The following CHN2 variants were observed in gnomAD, a reference collection of about 807,000 sequenced individuals.
CHN2 encodes beta-chimaerin.
CHN2 carries 35 observed loss-of-function variants against 56.3 expected under a neutral mutation model. The ratio of observed to expected loss-of-function variants is 0.62; its 90% CI spans 0.47 to 0.82. The LOEUF (loss-of-function observed/expected upper bound fraction) is 0.82. Among genes scored for constraint, CHN2 ranks in the 40% least tolerant of loss-of-function variants. The pLI, the probability that CHN2 is intolerant of heterozygous loss-of-function variation, is 0.00. For synonymous variants in CHN2, 210 were observed against 212.8 expected (o/e 0.99, Z 0.12); for missense variants, 491 against 580.5 (o/e 0.85, Z 1.58).
chr7:29,251,002 A>C (rs1184652703), intron 1 of CHN2, among the ~76,000 whole-genome samples: 1 of 152,198 alleles, frequency 6.6e-6, no homozygotes, highest in Non-Finnish European at 1.5e-5. Context: ...GAGCCACTGC[A>C]CCCAGCTTGC....
At chr7:29,426,517 T>C (rs1804878800) in intron 6 of CHN2, among the ~76,000 whole-genome samples, 1 of 152,214 alleles carries the variant, frequency 6.6e-6, no homozygotes, top group African/African-American at 2.4e-5. Flanking sequence ...TCCATGACCT[T>C]TAACCCTAGC....
intron 1 of CHN2, among the ~76,000 whole-genome samples, chr7:29,241,021 G>T (rs1256426953): frequency 1.3e-5 from 2 of 152,042 alleles, no homozygotes; most frequent in Non-Finnish European, 2.9e-5. Context: ...GCACAGCTGG[G>T]ATTACAGATG....
At chr7:29,402,354 C>T (rs1441474416) in intron 6 of CHN2, among the ~76,000 whole-genome samples, 2 of 152,166 alleles carry the variant, frequency 1.3e-5, no homozygotes, top group South Asian at 4.1e-4. Context: ...CTCCAAAGCA[C>T]CTGTTTATTC....
At chr7:29,262,187 A>T (rs1205473063) in intron 1 of CHN2, among the ~76,000 whole-genome samples, 2 of 152,120 alleles carry the variant, frequency 1.3e-5, no homozygotes, top group East Asian at 1.9e-4. Context: ...ACAACAACCA[A>T]AAAAACAACT....
At chr7:29,263,229 C>G (rs1428330750) in intron 1 of CHN2, among the ~76,000 whole-genome samples, 4 of 152,202 alleles carry the variant, frequency 2.6e-5, no homozygotes, top group African/African-American at 4.8e-5. Context: ...GGGGTTTCGC[C>G]GTGTTGGCCG....
At chr7:29,220,111 G>A (rs1480671985) in intron 1 of CHN2, among the ~76,000 whole-genome samples, 1 of 151,508 alleles carries the variant, frequency 6.6e-6, no homozygotes, top group Non-Finnish European at 1.5e-5. Context: ...AGGAAAAGTT[G>A]AAAATAAATG....
Position 29,507,258 on chromosome 7 carries a change from T to C in CHN2, c.1022T>C (p.Val341Ala). Reference sequence around the variant, plus strand: ...GAAAAGGCCGATATATCTGCCAATGTCTATCCAGACATAAACATCATCACT... The same window carrying C: ...GAAAAGGCCGATATATCTGCCAATGCCTATCCAGACATAAACATCATCACT... ...DGEKADISAN[V>A]YPDINIITGA... The change falls in exon 11 of 13, where the codon GTC becomes GCC. Residue 341 changes from valine (V) to alanine (A), a missense_variant. Transcript: ENST00000222792. The C allele has an allele frequency of 6.2e-7, 1 of 1,611,924 alleles. No individual in the cohort carries two copies. Among genetic ancestry groups the C allele is most frequent in the Non-Finnish European group, 8.5e-7 (1 of 1,179,352 alleles).
rs150084068 is a variant in CHN2, at chr7:29,356,289, A to G, written c.88+1626A>G. Among the ~76,000 whole-genome samples, 546 of 152,312 alleles carry G rather than the reference A, an allele frequency of 3.6e-3. 3 individuals carry two copies. Among genetic ancestry groups the G allele is most frequent in the African/African-American group, 0.012 (502 of 41,556 alleles). On this transcript the variant is annotated intron_variant, in intron 2 of 12. Transcript: ENST00000222792. ...ACACACACACATAAATACACATATT[A>G]TGTATGGATATATAATATATACACA...
intron 6 of CHN2, among the ~76,000 whole-genome samples, chr7:29,431,701 A>G (rs62457774): frequency 0.13 from 20,472 of 152,160 alleles, 1,595 homozygotes; most frequent in Non-Finnish European, 0.17. Context: ...TCATGATTTC[A>G]CCAGGCCAAC....
chr7:29,491,143 C>G (rs1333898565), intron 7 of CHN2, among the ~76,000 whole-genome samples: 1 of 151,954 alleles, frequency 6.6e-6, no homozygotes, highest in Non-Finnish European at 1.5e-5. Context: ...TATATTTGCT[C>G]TATTTTGGGT....
At chr7:29,273,363 A>G (rs946518476) in intron 1 of CHN2, among the ~76,000 whole-genome samples, 8 of 69,854 alleles carry the variant, frequency 1.1e-4, no homozygotes, top group African/African-American at 3.9e-4. Flanking sequence ...ATATATATAT[A>G]TATATATATA....
At chr7:29,240,818 CG>C in intron 1 of CHN2, among the ~76,000 whole-genome samples, 1 of 149,404 alleles carries the variant, frequency 6.7e-6, no homozygotes, top group African/African-American at 2.5e-5. Flanking sequence ...TCTTCTTCTT[CG>C]TCGTCGTCGT....
intron 1 of CHN2, among the ~76,000 whole-genome samples, chr7:29,348,875 C>G (rs1797671727): frequency 6.6e-6 from 1 of 152,022 alleles, no homozygotes; most frequent in Non-Finnish European, 1.5e-5. Flanking sequence ...ATAGAAATCA[C>G]AAGTATTTTT....
intron 2 of CHN2, among the ~76,000 whole-genome samples, chr7:29,355,864 A>G (rs1334695569): frequency 7.2e-6 from 1 of 138,648 alleles, no homozygotes; most frequent in Non-Finnish European, 1.5e-5. Context: ...GCTCACTGCA[A>G]CCTCCACCTC....
intron 6 of CHN2, among the ~76,000 whole-genome samples, chr7:29,412,564 C>T (rs1040504198): frequency 1.2e-4 from 18 of 152,062 alleles, no homozygotes; most frequent in Non-Finnish European, 1.9e-4. Context: ...CTCTTGACCT[C>T]GTGATCCGCC....
intron 2 of CHN2, among the ~76,000 whole-genome samples, chr7:29,187,015 A>G (rs1798796510): frequency 1.3e-5 from 2 of 152,204 alleles, no homozygotes; most frequent in Non-Finnish European, 2.9e-5. Context: ...CAGGATTGTT[A>G]TGGGTATATG....
At chr7:29,250,531 A>C (rs1038372026) in intron 1 of CHN2, among the ~76,000 whole-genome samples, 1 of 152,202 alleles carries the variant, frequency 6.6e-6, no homozygotes, top group African/African-American at 2.4e-5. Flanking sequence ...ACTTTCATGA[A>C]TTATAACATG....
At chr7:29,215,370 G>A (rs1584761181) in intron 1 of CHN2, among the ~76,000 whole-genome samples, 1 of 152,054 alleles carries the variant, frequency 6.6e-6, no homozygotes, top group African/African-American at 2.4e-5. Flanking sequence ...GCTACTTGAG[G>A]CACTCCCAAC....
chr7:29,297,813 C>T (rs1025816566), intron 1 of CHN2, among the ~76,000 whole-genome samples: 1 of 151,768 alleles, frequency 6.6e-6, no homozygotes, highest in Non-Finnish European at 1.5e-5. Flanking sequence ...AACAGAGACA[C>T]GATTACCTAT....
Sources: gnomAD v4.1 joint callset for allele counts (sites outside exome capture counted in the v4.1 genomes callset) on GRCh38, gnomAD v4.1.1 for gene constraint, MANE v1.5 for transcripts, NCBI Gene and HGNC (gene_info 2026-07-23, HGNC 2026-07-21) for gene names.